The following BIRC6 variants were observed in gnomAD, a reference collection of about 807,000 sequenced individuals.
BIRC6 encodes the protein dual E2 ubiquitin-conjugating enzyme/E3 ubiquitin-protein ligase BIRC6.
A neutral mutation model predicts 503.3 loss-of-function variants in BIRC6; 98 were observed. The observed-to-expected ratio is 0.19, with a 90% CI of 0.17 to 0.23. The LOEUF is 0.23. BIRC6 is among the 10% of genes least tolerant of loss of function. The pLI, the probability that BIRC6 is intolerant of heterozygous loss-of-function variation, is 1.00. For synonymous variants in BIRC6, 2,240 were observed against 2,078.7 expected (o/e 1.08, Z -2.11); for missense variants, 5,360 against 5,806.0 (o/e 0.92, Z 2.50).
At chr2:32,588,024 C>G (rs1349118115) in intron 66 of BIRC6, among the ~76,000 whole-genome samples, 1 of 152,094 alleles carries the variant, frequency 6.6e-6, no homozygotes, top group African/African-American at 2.4e-5. Context: ...AAGAGTAGGT[C>G]AGCTTTAGCT....
rs1021625381 is a variant in BIRC6 at position 32,475,244 on chromosome 2, AATT to A, written c.6721-962_6721-960del. Among the ~76,000 whole-genome samples the A allele has an allele frequency of 4.0e-5, 6 of 151,898 alleles. 1 individual carries two copies. The highest frequency in any genetic ancestry group is 1.2e-4 in the African/African-American group (5 of 41,340). ...GGAAGACTTAATAAGCTGCTAACTC[AATT>A]ATTATTCATTTATAATTGTGGCTAT... On this transcript the variant is annotated intron_variant, in intron 33 of 73. Coordinates refer to ENST00000421745, the MANE Select transcript of BIRC6 (RefSeq NM_016252.4).
At position 32,357,076 on chromosome 2, in the gene BIRC6, T is replaced by A; in HGVS notation, c.-86T>A. 8.1e-7 allele frequency: 1 copy of A among 1,233,782 alleles called. No homozygotes were observed. Among genetic ancestry groups the A allele is most frequent in the Admixed American group, 3.4e-5 (1 of 29,052 alleles). The allele number at this position is 1,233,782 out of a possible 1,614,324, so 76.4% of individuals were successfully genotyped here. A position where few individuals can be genotyped will look rare whatever the true frequency, so the allele number is the denominator to read the frequency against. Reference sequence around the variant, plus strand: ...TCAGCCTCCCTCCGAGTTTGGCCCCTCCGGCCGGGCGATCGACGTTCCGCG... The same window carrying A: ...TCAGCCTCCCTCCGAGTTTGGCCCCACCGGCCGGGCGATCGACGTTCCGCG... On this transcript the variant is annotated 5_prime_UTR_variant, in exon 1 of 74. Coordinates refer to ENST00000421745, the MANE Select transcript of BIRC6 (RefSeq NM_016252.4). The surrounding 1 kb of genome is among the most constrained non-coding windows in gnomAD (Gnocchi z 4.9).
intron 22 of BIRC6, among the ~76,000 whole-genome samples, chr2:32,452,885 G>T (rs1282864272): frequency 6.6e-6 from 1 of 151,902 alleles, no homozygotes; most frequent in East Asian, 1.9e-4. Flanking sequence ...GCATTTTTTG[G>T]AGCATGTGTC....
intron 32 of BIRC6, among the ~76,000 whole-genome samples, chr2:32,472,814 C>CAT (rs929056704): frequency 1.8e-4 from 28 of 152,074 alleles, no homozygotes; most frequent in African/African-American, 6.0e-4. Context: ...ATGACATCAT[C>CAT]AAAGTTGTAT....
At chr2:32,599,617 G>A (rs2061919572) in intron 69 of BIRC6, 122 bp from the exon 70 acceptor site, 23 of 960,380 alleles carry the variant, frequency 2.4e-5, no homozygotes, top group African/African-American at 3.3e-5. Flanking sequence ...CAGCCTGGGC[G>A]ACAGAGTGGG....
At chr2:32,459,242 A>C (rs2047571997) in intron 23 of BIRC6, among the ~76,000 whole-genome samples, 3 of 152,232 alleles carry the variant, frequency 2.0e-5, no homozygotes, top group South Asian at 4.1e-4. Flanking sequence ...AGTAGATTGG[A>C]GTTTCATCCA....
intron 9 of BIRC6, among the ~76,000 whole-genome samples, chr2:32,409,711 C>T (rs2149892292): frequency 6.6e-6 from 1 of 152,188 alleles, no homozygotes; most frequent in East Asian, 1.9e-4. Context: ...TAATTGCTTA[C>T]CTGAGGAAGT....
chr2:32,529,406 T>A (rs1237822071), intron 59 of BIRC6: 43 of 369,244 alleles, frequency 1.2e-4, no homozygotes, highest in Non-Finnish European at 1.5e-4. Flanking sequence ...TGGAAATGTC[T>A]GTTCCTTTGT....
At chr2:32,560,138 G>A (rs1485286683) in intron 65 of BIRC6, among the ~76,000 whole-genome samples, 2 of 152,122 alleles carry the variant, frequency 1.3e-5, no homozygotes, top group African/African-American at 2.4e-5. Context: ...GCATACTTAC[G>A]TAACTAATGG....
At chr2:32,431,720 T>G (rs1574157260) in intron 12 of BIRC6, among the ~76,000 whole-genome samples, 1 of 152,362 alleles carries the variant, frequency 6.6e-6, no homozygotes, top group East Asian at 1.9e-4. Context: ...ACAGATTTAT[T>G]TAACAAATAC....
Position 32,401,214 on chromosome 2 carries a change from C to T in BIRC6, c.1086C>T (p.His362=), listed in dbSNP as rs773470896. Reference sequence around the variant, plus strand: ...ACTGCCCATTTGTGAAAGGTGAGCACACACAGAATGTGCCATTGTCAGTCA... The same window carrying T: ...ACTGCCCATTTGTGAAAGGTGAGCATACACAGAATGTGCCATTGTCAGTCA... The part of the protein sequence containing the change: ...SPNCPFVKGE[H]TQNVPLSVTL... Residue 362 remains histidine, a synonymous_variant, in exon 7 of 74, where the codon CAC becomes CAT. Transcript: ENST00000421745. 5.0e-6 allele frequency: 8 copies of T among 1,613,934 alleles called. No individual in the cohort carries two copies. In the African/African-American group the frequency reaches 1.1e-4, roughly 22 times the overall value.
In BIRC6 at chr2:32,547,996, T is replaced by C; in HGVS notation, c.12957T>C (p.His4319=). ...ALTKQRLEEE[H]VTCLLQVLAS... is the part of the protein sequence containing the mutation. ...CTAAGCAAAGGCTGGAAGAGGAACA[T>C]GTTACCTGCCTTCTGCAGGTATATT... is the stretch of plus-strand genomic sequence containing the variant. Residue 4319 remains histidine (H), a synonymous_variant, in exon 64 of 74, where the codon CAT becomes CAC. Coordinates refer to ENST00000421745, the MANE Select transcript of BIRC6 (RefSeq NM_016252.4). 1 of 1,605,526 alleles carries C rather than the reference T, an allele frequency of 6.2e-7. No individual in the cohort carries two copies. Among genetic ancestry groups the C allele is most frequent in the Non-Finnish European group, 8.5e-7 (1 of 1,177,476 alleles).
At chr2:32,580,154 A>C (rs941913113) in intron 66 of BIRC6, among the ~76,000 whole-genome samples, 1 of 152,002 alleles carries the variant, frequency 6.6e-6, no homozygotes, top group Admixed American at 6.6e-5. Context: ...GGGTTTCACC[A>C]TGTTGGCCAG....
At chr2:32,516,052 A>G (rs1205398569) in intron 55 of BIRC6, among the ~76,000 whole-genome samples, 1 of 152,230 alleles carries the variant, frequency 6.6e-6, no homozygotes, top group African/African-American at 2.4e-5. Context: ...AAGCCCAAAA[A>G]AACATTTCAG....
intron 63 of BIRC6, 51 bp downstream of exon 63, chr2:32,545,911 G>A (rs930781695): frequency 6.6e-7 from 1 of 1,503,852 alleles, no homozygotes; most frequent in Non-Finnish European, 9.1e-7. Flanking sequence ...GATTTAATTA[G>A]GGAGTACAGA....
chr2:32,454,120 A>T (rs1005414882), intron 23 of BIRC6, among the ~76,000 whole-genome samples, 178 bp downstream of exon 23: 4 of 152,212 alleles, frequency 2.6e-5, no homozygotes, highest in African/African-American at 9.6e-5. Context: ...TCCTAAGTCA[A>T]TTCACAGGGT....
intron 3 of BIRC6, among the ~76,000 whole-genome samples, chr2:32,382,343 G>A (rs145699795): frequency 1.3e-5 from 2 of 152,330 alleles, no homozygotes; most frequent in Admixed American, 6.5e-5. Flanking sequence ...ACTGGATCTC[G>A]GAATGCTAAA....
chr2:32,463,333 A>G lies in BIRC6; in HGVS notation c.4893A>G (p.Leu1631=). The change falls in exon 24 of 74, where the codon CTA becomes CTG. Residue 1631 remains leucine, a synonymous_variant. Coordinates refer to ENST00000421745, the MANE Select transcript of BIRC6 (RefSeq NM_016252.4). ...CAATGGCTTCAGCCGAGCAACAGCT[A>G]CAGGTGCTGCAAGAGAAACAGCAGC... ...SHAMASAEQQ[L]QVLQEKQQQL... 6.2e-7 allele frequency: 1 copy of G among 1,613,658 alleles called. No individual in the cohort carries two copies. The highest frequency in any genetic ancestry group is 8.5e-7 in the Non-Finnish European group (1 of 1,179,740).
At chr2:32,545,392 TAGC>T (rs2057986477) in intron 62 of BIRC6, among the ~76,000 whole-genome samples, 1 of 152,228 alleles carries the variant, frequency 6.6e-6, no homozygotes, top group South Asian at 2.1e-4. Context: ...ACATAATCTA[TAGC>T]TATGATCATA....
Sources: gnomAD v4.1 joint callset for allele counts (sites outside exome capture counted in the v4.1 genomes callset) on GRCh38, gnomAD v4.1.1 for gene constraint, Gnocchi (gnomAD v3.1) non-coding constraint, MANE v1.5 for transcripts, NCBI Gene and HGNC (gene_info 2026-07-23, HGNC 2026-07-21) for gene names.